The following MACROD1 variants were observed in gnomAD, a reference collection of about 807,000 sequenced individuals.
MACROD1 encodes ADP-ribose glycohydrolase MACROD1.
Under a neutral mutation model 41.4 loss-of-function variants are expected in MACROD1, and 31 were observed. The observed-to-expected ratio is 0.75, with a 90% CI of 0.56 to 1.01. The LOEUF is 1.01. Ranked by LOEUF, MACROD1 falls within the 50% of genes least tolerant of loss-of-function variation. The pLI is 0.00. For missense variants in MACROD1, 473 were observed against 460.0 expected (o/e 1.03, Z -0.26); for synonymous variants, 252 against 203.4 (o/e 1.24, Z -2.03).
chr11:64,143,811 G>A (rs1945452231), intron 3 of MACROD1, among the ~76,000 whole-genome samples: 1 of 120,564 alleles, frequency 8.3e-6, no homozygotes, highest in Admixed American at 8.4e-5. Context: ...CAATTTCCTG[G>A]GGGCTCTGGA....
chr11:64,046,791 G>A (rs986964932), intron 3 of MACROD1, among the ~76,000 whole-genome samples: 4 of 152,156 alleles, frequency 2.6e-5, no homozygotes, highest in African/African-American at 4.8e-5. Context: ...GAGCCGCTGC[G>A]CCTGGCCTGG....
chr11:64,157,899 G>A (rs1348184247), intron 1 of MACROD1, among the ~76,000 whole-genome samples: 2 of 152,124 alleles, frequency 1.3e-5, no homozygotes, highest in South Asian at 2.1e-4. Flanking sequence ...TCACCGGCCC[G>A]CAAGAACAGG....
intron 3 of MACROD1, among the ~76,000 whole-genome samples, chr11:64,126,696 C>T (rs987622125): frequency 6.6e-6 from 1 of 152,022 alleles, no homozygotes; most frequent in African/African-American, 2.4e-5. Flanking sequence ...AGGGGTGGGT[C>T]CTTCTGCTCT....
intron 3 of MACROD1, among the ~76,000 whole-genome samples, chr11:64,106,884 TA>T (rs1296297678): frequency 1.3e-5 from 2 of 152,072 alleles, no homozygotes; most frequent in African/African-American, 4.8e-5. Flanking sequence ...TTATTTATTT[TA>T]TTTTATTTTT....
intron 3 of MACROD1, chr11:64,117,876 A>C (rs911603132): frequency 6.2e-7 from 1 of 1,613,868 alleles, no homozygotes; most frequent in Non-Finnish European, 8.5e-7. Context: ...TGGCCCTACC[A>C]CCACACTCAA....
chr11:64,102,178 A>G (rs1469576690), intron 3 of MACROD1, among the ~76,000 whole-genome samples: 1 of 152,188 alleles, frequency 6.6e-6, no homozygotes, highest in Non-Finnish European at 1.5e-5. Context: ...ATGTGTAATA[A>G]AAGCCCTTTT....
At chr11:64,079,914 A>G (rs1171051487) in intron 3 of MACROD1, among the ~76,000 whole-genome samples, 2 of 152,166 alleles carry the variant, frequency 1.3e-5, no homozygotes, top group Non-Finnish European at 2.9e-5. Flanking sequence ...TGAGGGAGGC[A>G]GGGTTGTATC....
At chr11:64,039,086 C>G (rs1943436032) in intron 3 of MACROD1, among the ~76,000 whole-genome samples, 2 of 152,178 alleles carry the variant, frequency 1.3e-5, no homozygotes. Context: ...TGGCCCTCAT[C>G]CCCTGCAGGC....
chr11:63,999,254 G>A, intron 8 of MACROD1, 77 bp downstream of exon 8: 1 of 1,505,238 alleles, frequency 6.6e-7, no homozygotes, highest in Non-Finnish European at 8.9e-7. Context: ...TCTGCACCCT[G>A]ACTCCCTGGG....
intron 3 of MACROD1, 104 bp downstream of exon 3, chr11:64,151,135 G>C: frequency 1.0e-6 from 1 of 953,550 alleles, no homozygotes; most frequent in Non-Finnish European, 1.6e-6. Context: ...CCAGCAACCC[G>C]AGCCTCACTG....
At position 63,999,318 on chromosome 11, in the gene MACROD1, G is replaced by A. The variant is rs756713312; in HGVS notation, c.891+13C>T. On this transcript the variant is annotated intron_variant, in intron 8 of 10. Coordinates refer to ENST00000255681, the MANE Select transcript of MACROD1 (RefSeq NM_014067.4). Reference sequence around the variant, plus strand: ...GGATGCGGACCCCACCCTCGCCCGGGCCCAGGACTCACCTTGTCCTTGTGC... The same window carrying A: ...GGATGCGGACCCCACCCTCGCCCGGACCCAGGACTCACCTTGTCCTTGTGC... 1.3e-5 allele frequency: 21 copies of A among 1,559,120 alleles called. 1 individual carries two copies. The South Asian group carries it at 2.3e-4, about 17-fold the overall frequency.
At position 64,131,369 on chromosome 11, in the gene MACROD1, T is replaced by C. The variant is rs535307528; in HGVS notation, c.517+19870A>G. Among the ~76,000 whole-genome samples, 35 of 152,332 alleles carry C rather than the reference T, an allele frequency of 2.3e-4. No homozygotes were observed. In the South Asian group the frequency reaches 6.6e-3, roughly 29 times the overall value. ...TCTTTTTTTTGATGGAGTCTCGCTC[T>C]GTCACCCAGGCTGGTGTACAGTGAG... On this transcript the variant is annotated intron_variant, in intron 3 of 10. Coordinates refer to ENST00000255681, the MANE Select transcript of MACROD1 (RefSeq NM_014067.4).
chr11:64,129,823 G>A (rs117675939), intron 3 of MACROD1, among the ~76,000 whole-genome samples: 6,127 of 152,272 alleles, frequency 0.04, 182 homozygotes, highest in Middle Eastern at 0.13. Context: ...CGCCCCAGGG[G>A]AGTTGGAGGC....
At chr11:64,015,431 T>C (rs907295306) in intron 3 of MACROD1, 150 bp from the exon 4 acceptor site, 3 of 634,234 alleles carry the variant, frequency 4.7e-6, no homozygotes, top group Admixed American at 5.8e-5. Context: ...TCCGGGGCGG[T>C]AGTAGACGAT....
rs114402476 is a variant in MACROD1 at position 64,165,848 on chromosome 11, G to A, written c.147C>T (p.Gly49=). The A allele has an allele frequency of 3.2e-4, 472 of 1,468,952 alleles. 4 individuals carry two copies. In the African/African-American group the frequency reaches 6.4e-3, roughly 20 times the overall value. 91.0% of individuals were successfully genotyped at this position (1,468,952 alleles called of 1,614,324 possible). ...SSTCGPPAFL[G]VFGRRARTSA... is the part of the protein sequence containing the mutation. ...AGGTCCGCGCACGGCGGCCGAACAC[G>A]CCCAGGAACGCCGGGGGACCGCACG... The change falls in exon 1 of 11, where the codon GGC becomes GGT. Residue 49 remains glycine (G), a synonymous_variant. Coordinates refer to ENST00000255681, the MANE Select transcript of MACROD1 (RefSeq NM_014067.4).
chr11:64,117,830 A>G lies in MACROD1; in HGVS notation c.517+33409T>C, dbSNP rs939111712. 9 of 1,614,046 alleles carry G rather than the reference A, an allele frequency of 5.6e-6. No homozygotes were observed. In the Admixed American group the frequency reaches 6.7e-5, roughly 12 times the overall value. On this transcript the variant is annotated intron_variant, in intron 3 of 10. Transcript: ENST00000255681. ...GCAATGCCTACGTAGCTGATGAGACACCCGTGTGTGCCAAGGCAGAGACAG... is the reference window on the plus strand; with the variant it reads ...GCAATGCCTACGTAGCTGATGAGACGCCCGTGTGTGCCAAGGCAGAGACAG...
At chr11:64,080,201 C>T (rs1439925879) in intron 3 of MACROD1, among the ~76,000 whole-genome samples, 2 of 152,012 alleles carry the variant, frequency 1.3e-5, no homozygotes, top group Non-Finnish European at 2.9e-5. Context: ...TTAGTAGAGA[C>T]GGGGTATCAA....
intron 3 of MACROD1, among the ~76,000 whole-genome samples, chr11:64,085,913 C>T (rs1284242759): frequency 1.3e-5 from 2 of 152,158 alleles, no homozygotes; most frequent in African/African-American, 4.8e-5. Flanking sequence ...GGCCACCCCA[C>T]CCCCACAGAA....
intron 4 of MACROD1, among the ~76,000 whole-genome samples, chr11:64,011,784 A>G (rs1227861473): frequency 6.6e-6 from 1 of 151,790 alleles, no homozygotes; most frequent in Non-Finnish European, 1.5e-5. Context: ...TAGAGGCCTG[A>G]ACTCCTGTAG....
Sources: allele counts gnomAD v4.1 joint callset (sites outside exome capture counted in the v4.1 genomes callset), GRCh38; gene constraint gnomAD v4.1.1; transcripts MANE v1.5; gene names NCBI Gene and HGNC (gene_info 2026-07-23, HGNC 2026-07-21).